MEF2D: variants seen among roughly 807,000 people sequenced by gnomAD.
MEF2D encodes the protein myocyte-specific enhancer factor 2D.
In MEF2D, 10 loss-of-function variants were observed where a neutral mutation model predicts 59.3. The observed-to-expected ratio is 0.17, with a 90% CI of 0.10 to 0.29. The LOEUF is 0.29. Among genes scored for constraint, MEF2D ranks in the 10% least tolerant of loss-of-function variants. The pLI, the probability that MEF2D is intolerant of heterozygous loss-of-function variation, is 1.00. For missense variants in MEF2D, 508 were observed against 699.4 expected (o/e 0.73, Z 3.09); for synonymous variants, 305 against 295.0 (o/e 1.03, Z -0.35).
intron 6 of MEF2D, 81 bp downstream of exon 6, chr1:156,479,209 T>C: frequency 8.4e-7 from 1 of 1,184,464 alleles, no homozygotes; most frequent in Non-Finnish European, 1.2e-6. Context: ...CTCATCTAGG[T>C]CGTTCCTGAT....
intron 1 of MEF2D, among the ~76,000 whole-genome samples, chr1:156,484,517 C>A (rs1182331925): frequency 6.6e-6 from 1 of 152,180 alleles, no homozygotes; most frequent in African/African-American, 2.4e-5. Context: ...TGGACCACAT[C>A]TAGAACCCAA....
rs1223916168 is a variant in MEF2D, at chr1:156,468,302, G to A, written c.1248-3C>T. On this transcript the variant is annotated splice_region_variant and splice_polypyrimidine_tract_variant and intron_variant, in intron 10 of 11. Transcript: ENST00000348159. This position sits in a 1 kb window ranked among gnomAD's most constrained non-coding sequence, Gnocchi z 4.3. ...CGTGGGGCAGGGGGCTGCCCGGGCT[G>A]GAGGCAGGCAATGGAAATGGGGTAC... is the stretch of plus-strand genomic sequence containing the variant. The A allele has an allele frequency of 1.3e-6, 2 of 1,538,792 alleles. No homozygotes were observed. The highest frequency in any genetic ancestry group is 2.5e-5 in the South Asian group (2 of 79,458).
chr1:156,474,202 C>G (rs1671420252), intron 9 of MEF2D, among the ~76,000 whole-genome samples: 2 of 152,198 alleles, frequency 1.3e-5, no homozygotes, highest in African/African-American at 2.4e-5. Flanking sequence ...GTGGCTCATG[C>G]CTGTAATCCC....
At chr1:156,476,936 G>T in intron 7 of MEF2D, 76 bp downstream of exon 7, 1 of 1,541,598 alleles carries the variant, frequency 6.5e-7, no homozygotes, top group Non-Finnish European at 8.9e-7. Flanking sequence ...CATCTCTCCT[G>T]CTAGAGGTCT....
rs1670675195 is a variant in MEF2D at position 156,463,939 on chromosome 1, G to A, written c.*3706C>T. On this transcript the variant is annotated 3_prime_UTR_variant, in exon 12 of 12. Transcript: ENST00000348159. ...TGGACTCGCCCTGCCCCAGGACCCAGGAAGAGCCCCAGGAGTGTGGGTGAT... is the reference window on the plus strand; with the variant it reads ...TGGACTCGCCCTGCCCCAGGACCCAAGAAGAGCCCCAGGAGTGTGGGTGAT... 6.6e-6 allele frequency: 1 copy of A among 152,644 alleles called. No individual in the cohort carries two copies. The highest frequency in any genetic ancestry group is 2.4e-5 in the African/African-American group (1 of 41,432). 9.5% of individuals were successfully genotyped at this position (152,644 alleles called of 1,614,324 possible).
rs574607089 is a variant in MEF2D, at chr1:156,467,572, G to C, written c.*73C>G. 1 of 1,258,092 alleles carries C rather than the reference G, an allele frequency of 7.9e-7. No homozygotes were observed. The highest frequency in any genetic ancestry group is 1.0e-6 in the Non-Finnish European group (1 of 971,290). 77.9% of individuals were successfully genotyped at this position (1,258,092 alleles called of 1,614,324 possible). ...AGTGGGGGTCGAGCGGGAGGAGCCCGGGGCAGGGAAGGGCGGGCGGTGAGA... is the reference window on the plus strand; with the variant it reads ...AGTGGGGGTCGAGCGGGAGGAGCCCCGGGCAGGGAAGGGCGGGCGGTGAGA... On this transcript the variant is annotated 3_prime_UTR_variant, in exon 12 of 12. Coordinates refer to ENST00000348159, the MANE Select transcript of MEF2D (RefSeq NM_005920.4).
intron 3 of MEF2D, among the ~76,000 whole-genome samples, chr1:156,481,352 C>T (rs1431257092): frequency 1.3e-5 from 2 of 152,164 alleles, no homozygotes; most frequent in African/African-American, 4.8e-5. Flanking sequence ...TGTGGTAAGC[C>T]CTGACCAGAA....
chr1:156,464,527 A>G lies in MEF2D; in HGVS notation c.*3118T>C, dbSNP rs1670719495. ...AGGGGGAGGGCCATTAGATGACTCCAGTGGTTACTTTGGCAAATGCCCAGT... is the reference window on the plus strand; with the variant it reads ...AGGGGGAGGGCCATTAGATGACTCCGGTGGTTACTTTGGCAAATGCCCAGT... On this transcript the variant is annotated 3_prime_UTR_variant, in exon 12 of 12. Coordinates refer to ENST00000348159, the MANE Select transcript of MEF2D (RefSeq NM_005920.4). The G allele has an allele frequency of 6.6e-6, 1 of 151,974 alleles. No individual in the cohort carries two copies. Among genetic ancestry groups the G allele is most frequent in the South Asian group, 2.1e-4 (1 of 4,824 alleles). 9.4% of individuals were successfully genotyped at this position (151,974 alleles called of 1,614,324 possible).
chr1:156,478,082 T>G (rs868579052), intron 6 of MEF2D, among the ~76,000 whole-genome samples: 1 of 152,202 alleles, frequency 6.6e-6, no homozygotes, highest in Admixed American at 6.5e-5. Flanking sequence ...GGAGGCCAAG[T>G]GAGGGCTCTC....
intron 8 of MEF2D, 85 bp downstream of exon 8, chr1:156,476,409 G>T: frequency 6.7e-7 from 1 of 1,482,368 alleles, no homozygotes; most frequent in Non-Finnish European, 9.3e-7. Flanking sequence ...GAGAGGCCAA[G>T]GACGCACACG....
At chr1:156,496,821 T>C (rs1460031704) in intron 1 of MEF2D, among the ~76,000 whole-genome samples, 2 of 152,184 alleles carry the variant, frequency 1.3e-5, no homozygotes, top group Non-Finnish European at 2.9e-5. Context: ...GACCCTTATC[T>C]AGCTCCCACT....
At chr1:156,475,289 T>C (rs777208613) in intron 8 of MEF2D, 52 bp from the exon 9 acceptor site, 32 of 1,525,746 alleles carry the variant, frequency 2.1e-5, no homozygotes, top group Non-Finnish European at 2.7e-5. Context: ...GGCAGCTTTA[T>C]GTTGGCCCTC....
At chr1:156,497,498 G>A (rs547641677) in intron 1 of MEF2D, among the ~76,000 whole-genome samples, 7 of 152,250 alleles carry the variant, frequency 4.6e-5, no homozygotes, top group African/African-American at 1.4e-4. Context: ...GGCTCACATC[G>A]GATCCTCATA....
In MEF2D at chr1:156,493,473, C is replaced by T. The variant is rs569006731; in HGVS notation, c.-139+7013G>A. ...TTGTGGCTGCGTGGGCCTGCTGAGGCGGCCAGCCAGGCAGCTCTTACAGGA... is the reference window on the plus strand; with the variant it reads ...TTGTGGCTGCGTGGGCCTGCTGAGGTGGCCAGCCAGGCAGCTCTTACAGGA... On this transcript the variant is annotated intron_variant, in intron 1 of 11. Coordinates refer to ENST00000348159, the MANE Select transcript of MEF2D (RefSeq NM_005920.4). Among the ~76,000 whole-genome samples, 8 of 152,060 alleles carry T rather than the reference C, an allele frequency of 5.3e-5. No homozygotes were observed. The East Asian group carries it at 7.8e-4, about 15-fold the overall frequency.
chr1:156,473,024 C>CT (rs971272970), intron 9 of MEF2D, among the ~76,000 whole-genome samples: 61 of 135,838 alleles, frequency 4.5e-4, no homozygotes, highest in East Asian at 1.6e-3. Flanking sequence ...TATGTTTGAA[C>CT]TTTTTTTTTT....
Position 156,468,249 on chromosome 1 carries a change from T to C in MEF2D, c.1298A>G (p.His433Arg). The change falls in exon 11 of 12, where the codon CAC becomes CGC. Residue 433 changes from histidine (H) to arginine (R), a missense_variant. His to Arg is a conservative substitution (Grantham distance 29, BLOSUM62 0). Transcript: ENST00000348159. The surrounding 1 kb of genome is among the most constrained non-coding windows in gnomAD (Gnocchi z 4.3). ...TTCTGACTTGATGCTGATGTGGGGG[T>C]GGGTGGTGACTGTGAGGGCAGCACC... is the stretch of plus-strand genomic sequence containing the variant. ...HVGAALTVTT[H>R]PHISIKSEPV... 1.3e-6 allele frequency: 2 copies of C among 1,588,634 alleles called. No individual in the cohort carries two copies. Among genetic ancestry groups the C allele is most frequent in the Non-Finnish European group, 1.7e-6 (2 of 1,165,760 alleles).
At chr1:156,477,808 C>T (rs1228323367) in intron 6 of MEF2D, among the ~76,000 whole-genome samples, 2 of 152,232 alleles carry the variant, frequency 1.3e-5, no homozygotes, top group Non-Finnish European at 2.9e-5. Flanking sequence ...AAGCCATTCA[C>T]TGTTGGTGAT....
Position 156,477,147 on chromosome 1 carries a change from G to A in MEF2D, c.720C>T (p.Gly240=). Residue 240 remains glycine (G), a synonymous_variant, in exon 7 of 12, where the codon GGC becomes GGT. Transcript: ENST00000348159. ...CAGGGATGACCTTGTTTAGGCTGTT[G>A]CCATTGGCCACAGGGAGGAGGCCAG... ...ASPGLLPVAN[G]NSLNKVIPAK... 6.2e-7 allele frequency: 1 copy of A among 1,613,824 alleles called. No homozygotes were observed. The highest frequency in any genetic ancestry group is 8.5e-7 in the Non-Finnish European group (1 of 1,179,840).
At position 156,468,845 on chromosome 1, in the gene MEF2D, A is replaced by AGGCTGCTGT; in HGVS notation, c.1173_1181dup (p.Gln398_Pro400dup). On this transcript the variant is annotated inframe_insertion, in exon 10 of 12. Coordinates refer to ENST00000348159, the MANE Select transcript of MEF2D (RefSeq NM_005920.4). The surrounding 1 kb of genome is among the most constrained non-coding windows in gnomAD (Gnocchi z 4.3). ...GCTGAGGTGGCTGTTGCGGCTGCTG[A>AGGCTGCTGT]GGCTGCTGTGGCTGTGGCTGCTGTG... 2 of 1,613,848 alleles carry AGGCTGCTGT rather than the reference A, an allele frequency of 1.2e-6. No individual in the cohort carries two copies. The highest frequency in any genetic ancestry group is 1.1e-5 in the South Asian group (1 of 91,056).
Sources: gnomAD v4.1 joint callset for allele counts (sites outside exome capture counted in the v4.1 genomes callset) on GRCh38, gnomAD v4.1.1 for gene constraint, Gnocchi (gnomAD v3.1) non-coding constraint, MANE v1.5 for transcripts, NCBI Gene and HGNC (gene_info 2026-07-23, HGNC 2026-07-21) for gene names.